The following POU6F1 variants were observed in gnomAD, a reference collection of about 807,000 sequenced individuals.
POU6F1 encodes POU class 6 homeobox 1, also known as POU domain, class 6, transcription factor 1.
In POU6F1, 9 loss-of-function variants were observed where a neutral mutation model predicts 28.9. The observed-to-expected ratio is 0.31, with a 90% CI of 0.19 to 0.54. The LOEUF (loss-of-function observed/expected upper bound fraction) is 0.54, where lower values mean the gene tolerates loss of function less well. Ranked by LOEUF, POU6F1 falls within the 20% of genes least tolerant of loss-of-function variation. The pLI is 0.94. For synonymous variants in POU6F1, 173 were observed against 171.1 expected, an observed-to-expected ratio of 1.01 and a Z score of -0.09; for missense variants, 338 against 426.1, an observed-to-expected ratio of 0.79 and a Z score of 1.82.
chr12:51,196,084 G>A lies in POU6F1; in HGVS notation c.1065C>T (p.Pro355=). 1 of 1,606,202 alleles carries A rather than the reference G, an allele frequency of 6.2e-7. No individual in the cohort carries two copies. Among genetic ancestry groups the A allele is most frequent in the South Asian group, 1.1e-5 (1 of 89,718 alleles). ...AQSLQVQAVT[P]QLLLNAQGQV... ...GGCCCTGGGCGTTCAACAACAGCTG[G>A]GGGGTCACGGCCTGGACCTGCAGGC... Residue 355 remains proline (P), a synonymous_variant, in exon 8 of 11, where the codon CCC becomes CCT. Coordinates refer to ENST00000333640, the MANE Select transcript of POU6F1 (RefSeq NM_001330422.2).
intron 9 of POU6F1, 149 bp from the exon 10 acceptor site, chr12:51,191,913 C>T: frequency 9.8e-7 from 1 of 1,018,548 alleles, no homozygotes; most frequent in Non-Finnish European, 1.5e-6. Context: ...TCACCTTTGT[C>T]CCCAAGACAA....
At chr12:51,204,954 G>C (rs879763946) in intron 2 of POU6F1, among the ~76,000 whole-genome samples, 1 of 151,446 alleles carries the variant, frequency 6.6e-6, no homozygotes, top group Non-Finnish European at 1.5e-5. Flanking sequence ...TTCCCTGCAA[G>C]CTAAATTCCT....
At position 51,196,030 on chromosome 12, in the gene POU6F1, G is replaced by A; in HGVS notation, c.1119C>T (p.Pro373=). 1 of 1,611,024 alleles carries A rather than the reference G, an allele frequency of 6.2e-7. No homozygotes were observed. The highest frequency in any genetic ancestry group is 2.2e-5 in the East Asian group (1 of 44,800). The change falls in exon 8 of 11, where the codon CCC becomes CCT. Residue 373 remains proline (P), a synonymous_variant. Transcript: ENST00000333640. The part of the protein sequence containing the change: ...GQVIATLASS[P]LPPPVAVRKP... ...TCCGGACAGCCACAGGTGGAGGCAG[G>A]GGGCTGCTAGCCAGGGTCGCAATCA...
rs1375375077 is a variant in POU6F1, at chr12:51,217,937, G to T, written c.-343C>A. 6.6e-6 allele frequency among the ~76,000 whole-genome samples: 1 copy of T among 151,938 alleles called. No individual in the cohort carries two copies. Among genetic ancestry groups the T allele is most frequent in the African/African-American group, 2.4e-5 (1 of 41,406 alleles). On this transcript the variant is annotated 5_prime_UTR_variant, in exon 1 of 11. Transcript: ENST00000333640. The surrounding 1 kb of genome is among the most constrained non-coding windows in gnomAD (Gnocchi z 5.3). ...GCGGGAAGGGGAAGCCGGGTGGGGG[G>T]GCGGTCAGGTATATATTTTTCTTCG...
intron 1 of POU6F1, among the ~76,000 whole-genome samples, chr12:51,214,600 C>T (rs1433787774): frequency 6.6e-6 from 1 of 152,126 alleles, no homozygotes; most frequent in Admixed American, 6.5e-5. Flanking sequence ...GCTAGGCACA[C>T]ACAGGCCAGA....
chr12:51,209,637 T>TATA (rs1943858885), intron 1 of POU6F1, among the ~76,000 whole-genome samples: 1 of 152,216 alleles, frequency 6.6e-6, no homozygotes, highest in Non-Finnish European at 1.5e-5. Context: ...TCTTTGGGTA[T>TATA]ATACCTAGGA....
rs746480466 is a variant in POU6F1 at position 51,204,259 on chromosome 12, C to A, written c.158G>T (p.Gly53Val). Reference sequence around the variant, plus strand: ...TTCAGCAGGGTCTCCGCTCTGGGAGCCCTCGGCGGCCACACCCTCCAGTCC... The same window carrying A: ...TTCAGCAGGGTCTCCGCTCTGGGAGACCTCGGCGGCCACACCCTCCAGTCC... The part of the protein sequence containing the change: ...SKGLEGVAAE[G>V]SQSGDPAEAS... The change falls in exon 3 of 11, where the codon GGC becomes GTC. Residue 53 changes from glycine (G) to valine (V), a missense_variant. By Grantham distance (109) the Gly-to-Val change is moderately radical. Coordinates refer to ENST00000333640, the MANE Select transcript of POU6F1 (RefSeq NM_001330422.2). 3 of 398,988 alleles carry A rather than the reference C, an allele frequency of 7.5e-6. No homozygotes were observed. The highest frequency in any genetic ancestry group is 1.3e-5 in the Non-Finnish European group (3 of 226,166). 24.7% of individuals were successfully genotyped at this position (398,988 alleles called of 1,614,324 possible).
At chr12:51,204,823 T>G (rs1378978725) in intron 2 of POU6F1, among the ~76,000 whole-genome samples, 2 of 152,096 alleles carry the variant, frequency 1.3e-5, no homozygotes, top group Non-Finnish European at 2.9e-5. Flanking sequence ...TCACTTCCCT[T>G]GAAACCATCT....
In POU6F1 at chr12:51,199,462, G is replaced by C. The variant is rs1943066675; in HGVS notation, c.366+285C>G. On this transcript the variant is annotated intron_variant, in intron 4 of 10. Coordinates refer to ENST00000333640, the MANE Select transcript of POU6F1 (RefSeq NM_001330422.2). This position sits in a 1 kb window ranked among gnomAD's most constrained non-coding sequence, Gnocchi z 4.1. The stretch of plus-strand genomic sequence containing the variant: ...AGGGTATTCATTCATTTAGTCATTT[G>C]ATAAACAGAAACTCTGGCTGCGTGA... 6.6e-6 allele frequency among the ~76,000 whole-genome samples: 1 copy of C among 152,202 alleles called. No individual in the cohort carries two copies. The highest frequency in any genetic ancestry group is 1.9e-4 in the East Asian group (1 of 5,194).
intron 6 of POU6F1, among the ~76,000 whole-genome samples, chr12:51,197,237 T>C: frequency 6.6e-6 from 1 of 150,876 alleles, no homozygotes; most frequent in Non-Finnish European, 1.5e-5. Flanking sequence ...GGGCTAGGGG[T>C]CTACCGGCTG....
chr12:51,193,020 C>T (rs555605149), intron 8 of POU6F1, among the ~76,000 whole-genome samples: 2 of 152,294 alleles, frequency 1.3e-5, no homozygotes, highest in East Asian at 3.9e-4. Flanking sequence ...GCTTCACACC[C>T]AACTGTGACA....
At position 51,199,772 on chromosome 12, in the gene POU6F1, G is replaced by A; in HGVS notation, c.341C>T (p.Pro114Leu). The change falls in exon 4 of 11, where the codon CCA (proline) becomes CTA (leucine). Residue 114 changes from proline to leucine, a missense_variant. Physicochemically the swap from Pro to Leu is moderately conservative, Grantham distance 98 (BLOSUM62 -3). This residue lies in a region of POU6F1 where 206 missense variants were observed against 225.6 expected (regional missense o/e 0.91). Transcript: ENST00000333640. This position sits in a 1 kb window ranked among gnomAD's most constrained non-coding sequence, Gnocchi z 4.1. ...SQPQASQTLT[P>L]LAVQAAPQVL... ...CTGGGGGGCAGCTTGTACAGCCAGT[G>A]GCGTCAGGGTCTGCGATGCCTGAGG... The A allele has an allele frequency of 2.5e-6, 1 of 399,234 alleles. No homozygotes were observed. The highest frequency in any genetic ancestry group is 4.4e-6 in the Non-Finnish European group (1 of 226,152). The allele number at this position is 399,234 out of a possible 1,614,324, so 24.7% of individuals were successfully genotyped here.
rs1942082262 is a variant in POU6F1, at chr12:51,187,240, A to G, written c.*3007T>C. The G allele has an allele frequency of 1.3e-5, 2 of 152,222 alleles. No individual in the cohort carries two copies. The highest frequency in any genetic ancestry group is 1.3e-4 in the Admixed American group (2 of 15,282). 9.4% of individuals were successfully genotyped at this position (152,222 alleles called of 1,614,324 possible). On this transcript the variant is annotated 3_prime_UTR_variant, in exon 11 of 11. Coordinates refer to ENST00000333640, the MANE Select transcript of POU6F1 (RefSeq NM_001330422.2). Reference sequence around the variant, plus strand: ...TAAAATGCCGTGGTAATGCAGGGTCAAAGGCCCTAGCTGATCCACCAGGAA... The same window carrying G: ...TAAAATGCCGTGGTAATGCAGGGTCGAAGGCCCTAGCTGATCCACCAGGAA...
intron 8 of POU6F1, among the ~76,000 whole-genome samples, chr12:51,193,167 C>A (rs1942556062): frequency 1.3e-5 from 2 of 152,166 alleles, no homozygotes; most frequent in Non-Finnish European, 2.9e-5. Context: ...TCTCAGGCAC[C>A]AAATGCGCAT....
At chr12:51,191,827 C>A (rs1942435726) in intron 9 of POU6F1, 63 bp from the exon 10 acceptor site, 1 of 1,587,530 alleles carries the variant, frequency 6.3e-7, no homozygotes, top group African/African-American at 1.3e-5. Flanking sequence ...GCTTATCTGG[C>A]TCATTGGTCT....
Position 51,192,323 on chromosome 12 carries a change from C to T in POU6F1, c.1321+7G>A. ...TTCTCCACACTACTTCTCCAGGAGC[C>T]ACTTACTGGACACCAACTGGCTGAC... is the stretch of plus-strand genomic sequence containing the variant. On this transcript the variant is annotated splice_region_variant and intron_variant, in intron 9 of 10. Transcript: ENST00000333640. 1.2e-6 allele frequency: 2 copies of T among 1,613,776 alleles called. No individual in the cohort carries two copies. The highest frequency in any genetic ancestry group is 8.5e-7 in the Non-Finnish European group (1 of 1,179,792).
At chr12:51,195,467 TAAG>T (rs1942750022) in intron 8 of POU6F1, among the ~76,000 whole-genome samples, 1 of 151,390 alleles carries the variant, frequency 6.6e-6, no homozygotes, top group Admixed American at 6.6e-5. Flanking sequence ...TACCTAAGGC[TAAG>T]AAGGCATCTT....
chr12:51,192,576 A>C, intron 8 of POU6F1, 105 bp from the exon 9 acceptor site: 1 of 1,437,030 alleles, frequency 7.0e-7, no homozygotes, highest in South Asian at 1.3e-5. Flanking sequence ...TGAAATCCTC[A>C]CGCATGCAGG....
rs1439877263 is a variant in POU6F1, at chr12:51,188,365, T to C, written c.*1882A>G. 4.6e-5 allele frequency: 7 copies of C among 152,030 alleles called. No homozygotes were observed. The highest frequency in any genetic ancestry group is 2.1e-4 in the South Asian group (1 of 4,828). 9.4% of individuals were successfully genotyped at this position (152,030 alleles called of 1,614,324 possible). On this transcript the variant is annotated 3_prime_UTR_variant, in exon 11 of 11. Transcript: ENST00000333640. ...GCAGGTCGATAACCCTGAACTAGAG[T>C]GTGGAGACTCTCTGTTGGAGACACG...
Sources: allele counts gnomAD v4.1 joint callset (sites outside exome capture counted in the v4.1 genomes callset), GRCh38; gene constraint gnomAD v4.1.1; regional missense constraint gnomAD v4.1.1; non-coding constraint Gnocchi (gnomAD v3.1); transcripts MANE v1.5; gene names NCBI Gene and HGNC (gene_info 2026-07-23, HGNC 2026-07-21).